The following AMER2 variants were observed in gnomAD, a reference collection of about 807,000 sequenced individuals.
The protein encoded by AMER2 is family with sequence similarity 123A.
In AMER2, 1 loss-of-function variant was observed where a neutral mutation model predicts 4.7. The ratio of observed to expected loss-of-function variants is 0.21; its 90% CI spans 0.07 to 1.00. The LOEUF (loss-of-function observed/expected upper bound fraction) is 1.00. Among genes scored for constraint, AMER2 ranks in the 50% least tolerant of loss-of-function variants. The pLI is 0.60. For synonymous variants in AMER2, 485 were observed against 433.3 expected (o/e 1.12, Z -1.48); for missense variants, 988 against 966.9 (o/e 1.02, Z -0.29).
chr13:25,163,443 G>C lies in AMER2; in HGVS notation c.*6161C>G, dbSNP rs1956434633. ...AGATGTGGAAATAATCTAAACGTCT[G>C]TCAGTAGATGAAAGGGTTTTTAAAA... is the stretch of plus-strand genomic sequence containing the variant. On this transcript the variant is annotated 3_prime_UTR_variant, in exon 1 of 1. Transcript: ENST00000515384. 6.6e-6 allele frequency: 1 copy of C among 152,148 alleles called. No individual in the cohort carries two copies. Among genetic ancestry groups the C allele is most frequent in the African/African-American group, 2.4e-5 (1 of 41,418 alleles). 9.4% of individuals were successfully genotyped at this position (152,148 alleles called of 1,614,324 possible).
rs1227766663 is a variant in AMER2, at chr13:25,167,877, T to C, written c.*1727A>G. 6.6e-6 allele frequency: 1 copy of C among 152,214 alleles called. No homozygotes were observed. Among genetic ancestry groups the C allele is most frequent in the African/African-American group, 2.4e-5 (1 of 41,462 alleles). 9.4% of individuals were successfully genotyped at this position (152,214 alleles called of 1,614,324 possible). A position where few individuals can be genotyped will look rare whatever the true frequency, so the allele number is the denominator to read the frequency against. ...TTAACTTGCCTTGTTCTTTCATTTA[T>C]GAAACAGAAAACAAACTTAAAAAGC... On this transcript the variant is annotated 3_prime_UTR_variant, in exon 1 of 1. Transcript: ENST00000515384.
rs748065990 is a variant in AMER2, at chr13:25,171,172, C to T, written c.448G>A (p.Gly150Ser). ...GPPRAAGPGG[G>S]SLASSSVAKS... ...GCCACCGAGCTGCTGGCGAGGGAGC[C>T]CCCGCCGGGCCCTGCGGCTCTGGGG... Residue 150 changes from glycine (G) to serine (S), a missense_variant, in exon 1 of 1, where the codon GGC becomes AGC. Gly to Ser is a moderately conservative substitution (Grantham distance 56). Transcript: ENST00000515384. The surrounding 1 kb of genome is among the most constrained non-coding windows in gnomAD (Gnocchi z 5.9). The T allele has an allele frequency of 3.1e-5, 47 of 1,526,192 alleles. No individual in the cohort carries two copies. The highest frequency in any genetic ancestry group is 4.0e-5 in the Non-Finnish European group (46 of 1,136,986). The allele number at this position is 1,526,192 out of a possible 1,614,324, so 94.5% of individuals were successfully genotyped here.
rs1188458163 is a variant in AMER2 at position 25,164,093 on chromosome 13, A to G, written c.*5511T>C. On this transcript the variant is annotated 3_prime_UTR_variant, in exon 1 of 1. Coordinates refer to ENST00000515384, the MANE Select transcript of AMER2 (RefSeq NM_152704.4). Reference sequence around the variant, plus strand: ...GCACTCCAGCCTGGGTGACAGAGTAAGACTCCATCTCAAAAAAAAAAAAAA... The same window carrying G: ...GCACTCCAGCCTGGGTGACAGAGTAGGACTCCATCTCAAAAAAAAAAAAAA... The G allele has an allele frequency of 6.7e-6, 1 of 148,212 alleles. No individual in the cohort carries two copies. Among genetic ancestry groups the G allele is most frequent in the African/African-American group, 2.5e-5 (1 of 39,546 alleles). The allele number at this position is 148,212 out of a possible 1,614,324, so 9.2% of individuals were successfully genotyped here.
chr13:25,169,730 G>A lies in AMER2; in HGVS notation c.1890C>T (p.Ser630=). 6.2e-7 allele frequency: 1 copy of A among 1,614,194 alleles called. No homozygotes were observed. Among genetic ancestry groups the A allele is most frequent in the Non-Finnish European group, 8.5e-7 (1 of 1,180,036 alleles). Residue 630 remains serine, a synonymous_variant, in exon 1 of 1, where the codon TCC becomes TCT. Coordinates refer to ENST00000515384, the MANE Select transcript of AMER2 (RefSeq NM_152704.4). This position sits in a 1 kb window ranked among gnomAD's most constrained non-coding sequence, Gnocchi z 4.2. ...SSHPVVHQQP[S]RSEMPRTKIP... Reference sequence around the variant, plus strand: ...TTTTTGTTCTGGGCATCTCACTCCTGGAGGGTTGCTGGTGCACCACGGGAT... The same window carrying A: ...TTTTTGTTCTGGGCATCTCACTCCTAGAGGGTTGCTGGTGCACCACGGGAT...
chr13:25,171,329 C>A lies in AMER2; in HGVS notation c.291G>T (p.Pro97=). ...GGGTCCTGCTCCTCACCAGCCCCGTCGGACCCGAGCTTTTCCCGTCCCCTT... is the reference window on the plus strand; with the variant it reads ...GGGTCCTGCTCCTCACCAGCCCCGTAGGACCCGAGCTTTTCCCGTCCCCTT... The part of the protein sequence containing the change: ...KNKGDGKSSG[P]TGLVRSRTHD... The change falls in exon 1 of 1, where the codon CCG becomes CCT. Residue 97 remains proline, a synonymous_variant. Coordinates refer to ENST00000515384, the MANE Select transcript of AMER2 (RefSeq NM_152704.4). This position sits in a 1 kb window ranked among gnomAD's most constrained non-coding sequence, Gnocchi z 5.9. 6.2e-7 allele frequency: 1 copy of A among 1,609,024 alleles called. No individual in the cohort carries two copies. The highest frequency in any genetic ancestry group is 8.5e-7 in the Non-Finnish European group (1 of 1,178,476).
In AMER2 at chr13:25,169,732, A is replaced by G. The variant is rs758245745; in HGVS notation, c.1888T>C (p.Ser630Pro). ...TTTGTTCTGGGCATCTCACTCCTGGAGGGTTGCTGGTGCACCACGGGATGG... is the reference window on the plus strand; with the variant it reads ...TTTGTTCTGGGCATCTCACTCCTGGGGGGTTGCTGGTGCACCACGGGATGG... The part of the protein sequence containing the change: ...SSHPVVHQQP[S>P]RSEMPRTKIP... Residue 630 changes from serine to proline, a missense_variant, in exon 1 of 1, where the codon TCC becomes CCC. Physicochemically the swap from Ser to Pro is moderately conservative, Grantham distance 74 (BLOSUM62 -1). Coordinates refer to ENST00000515384, the MANE Select transcript of AMER2 (RefSeq NM_152704.4). The surrounding 1 kb of genome is among the most constrained non-coding windows in gnomAD (Gnocchi z 4.2). 3 of 1,613,996 alleles carry G rather than the reference A, an allele frequency of 1.9e-6. No homozygotes were observed. Among genetic ancestry groups the G allele is most frequent in the Non-Finnish European group, 2.5e-6 (3 of 1,180,036 alleles).
In AMER2 at chr13:25,169,641, C is replaced by T. The variant is rs776170504; in HGVS notation, c.1979G>A (p.Arg660Lys). ...SNRGLAGTTI[R>K]ATACHDSAKK... The stretch of plus-strand genomic sequence containing the variant: ...GGCACTGTCGTGGCAGGCCGTTGCT[C>T]TGATGGTGGTCCCAGCCAAGCCCCG... The change falls in exon 1 of 1, where the codon AGA becomes AAA. Residue 660 changes from arginine (R) to lysine (K), a missense_variant. Transcript: ENST00000515384. The surrounding 1 kb of genome is among the most constrained non-coding windows in gnomAD (Gnocchi z 4.2). The T allele has an allele frequency of 4.4e-6, 7 of 1,608,528 alleles. No homozygotes were observed. In the African/African-American group the frequency reaches 9.3e-5, roughly 21 times the overall value.
chr13:25,169,464 G>T lies in AMER2; in HGVS notation c.*140C>A. On this transcript the variant is annotated 3_prime_UTR_variant, in exon 1 of 1. Coordinates refer to ENST00000515384, the MANE Select transcript of AMER2 (RefSeq NM_152704.4). This position sits in a 1 kb window ranked among gnomAD's most constrained non-coding sequence, Gnocchi z 4.2. The stretch of plus-strand genomic sequence containing the variant: ...CTGCTCAGGGCACAAAGACCTCCTC[G>T]GTCCACGCTCTGGAGCAGGGCGGGG... 2 of 1,167,252 alleles carry T rather than the reference G, an allele frequency of 1.7e-6. No individual in the cohort carries two copies. The highest frequency in any genetic ancestry group is 2.3e-6 in the Non-Finnish European group (2 of 862,696). The allele number at this position is 1,167,252 out of a possible 1,614,324, so 72.3% of individuals were successfully genotyped here.
Position 25,170,946 on chromosome 13 carries a change from A to G in AMER2, c.674T>C (p.Ile225Thr). Reference sequence around the variant, plus strand: ...GCTGGCGGTGAGCGAGCCGGGTAGGATCAAGCCGCCCCCGGGCGCGCGCCC... The same window carrying G: ...GCTGGCGGTGAGCGAGCCGGGTAGGGTCAAGCCGCCCCCGGGCGCGCGCCC... ...AEGRAPGGGL[I>T]LPGSLTASLE... The change falls in exon 1 of 1, where the codon ATC becomes ACC. Residue 225 changes from isoleucine to threonine, a missense_variant. Ile to Thr is a moderately conservative substitution (Grantham distance 89, BLOSUM62 -1). Coordinates refer to ENST00000515384, the MANE Select transcript of AMER2 (RefSeq NM_152704.4). This position sits in a 1 kb window ranked among gnomAD's most constrained non-coding sequence, Gnocchi z 7.3. The G allele has an allele frequency of 6.5e-7, 1 of 1,528,318 alleles. No homozygotes were observed. The highest frequency in any genetic ancestry group is 1.4e-5 in the African/African-American group (1 of 69,932). 94.7% of individuals were successfully genotyped at this position (1,528,318 alleles called of 1,614,324 possible). A position where few individuals can be genotyped will look rare whatever the true frequency, so the allele number is the denominator to read the frequency against.
At position 25,168,510 on chromosome 13, in the gene AMER2, C is replaced by A. The variant is rs1270841624; in HGVS notation, c.*1094G>T. 1 of 150,520 alleles carries A rather than the reference C, an allele frequency of 6.6e-6. No individual in the cohort carries two copies. Among genetic ancestry groups the A allele is most frequent in the South Asian group, 2.1e-4 (1 of 4,666 alleles). 9.3% of individuals were successfully genotyped at this position (150,520 alleles called of 1,614,324 possible). A position where few individuals can be genotyped will look rare whatever the true frequency, so the allele number is the denominator to read the frequency against. On this transcript the variant is annotated 3_prime_UTR_variant, in exon 1 of 1. Transcript: ENST00000515384. ...AGGCAGAGCCATTCCTCTGGGACAC[C>A]AGCACAATAGATTTTTTTTTTTTTT...
rs866334746 is a variant in AMER2 at position 25,170,945 on chromosome 13, G to A, written c.675C>T (p.Ile225=). 6 of 1,528,976 alleles carry A rather than the reference G, an allele frequency of 3.9e-6. No homozygotes were observed. In the African/African-American group the frequency reaches 8.6e-5, roughly 22 times the overall value. The allele number at this position is 1,528,976 out of a possible 1,614,324, so 94.7% of individuals were successfully genotyped here. ...AEGRAPGGGL[I]LPGSLTASLE... ...GGCTGGCGGTGAGCGAGCCGGGTAG[G>A]ATCAAGCCGCCCCCGGGCGCGCGCC... The change falls in exon 1 of 1, where the codon ATC becomes ATT. Residue 225 remains isoleucine, a synonymous_variant. Transcript: ENST00000515384. This position sits in a 1 kb window ranked among gnomAD's most constrained non-coding sequence, Gnocchi z 7.3.
chr13:25,170,320 T>C lies in AMER2; in HGVS notation c.1300A>G (p.Thr434Ala), dbSNP rs143843484. ...ATGTCCCAGAACTCCTGTAGATAGG[T>C]GTCGTCCACCTCGTCCGGGCTGGCC... ...EMASPDEVDD[T>A]YLQEFWDMLS... Residue 434 changes from threonine to alanine, a missense_variant, in exon 1 of 1, where the codon ACC becomes GCC. Transcript: ENST00000515384. The surrounding 1 kb of genome is among the most constrained non-coding windows in gnomAD (Gnocchi z 7.3). 5 of 1,613,942 alleles carry C rather than the reference T, an allele frequency of 3.1e-6. No homozygotes were observed. The highest frequency in any genetic ancestry group is 4.2e-6 in the Non-Finnish European group (5 of 1,179,982).
rs1956416486 is a variant in AMER2 at position 25,162,207 on chromosome 13, T to C, written c.*7397A>G. On this transcript the variant is annotated 3_prime_UTR_variant, in exon 1 of 1. Transcript: ENST00000515384. ...AGGAAAGCTAATTATGGAAATGGAG[T>C]TTCTCGTTTGGGTTATTTTTGTTAC... 6.6e-6 allele frequency: 1 copy of C among 152,038 alleles called. No individual in the cohort carries two copies. The highest frequency in any genetic ancestry group is 6.6e-5 in the Admixed American group (1 of 15,252). 9.4% of individuals were successfully genotyped at this position (152,038 alleles called of 1,614,324 possible).
rs916235135 is a variant in AMER2, at chr13:25,162,429, A to G, written c.*7175T>C. 1.3e-5 allele frequency: 2 copies of G among 152,192 alleles called. No homozygotes were observed. The highest frequency in any genetic ancestry group is 4.8e-5 in the African/African-American group (2 of 41,446). 9.4% of individuals were successfully genotyped at this position (152,192 alleles called of 1,614,324 possible). A position where few individuals can be genotyped will look rare whatever the true frequency, so the allele number is the denominator to read the frequency against. On this transcript the variant is annotated 3_prime_UTR_variant, in exon 1 of 1. Coordinates refer to ENST00000515384, the MANE Select transcript of AMER2 (RefSeq NM_152704.4). ...GACCTACCACTATCAGATCCTCCAT[A>G]TTCAATAAGATTTATCCTGGAAGCA...
chr13:25,169,767 A>T lies in AMER2; in HGVS notation c.1853T>A (p.Leu618His), dbSNP rs1195768455. Residue 618 changes from leucine (L) to histidine (H), a missense_variant, in exon 1 of 1, where the codon CTT (leucine) becomes CAT (histidine). By Grantham distance (99) the Leu-to-His change is moderately conservative. Coordinates refer to ENST00000515384, the MANE Select transcript of AMER2 (RefSeq NM_152704.4). This position sits in a 1 kb window ranked among gnomAD's most constrained non-coding sequence, Gnocchi z 4.2. ...IPISIKHLTNLPSSHPVVHQQ... is the reference protein window; with the variant it reads ...IPISIKHLTNHPSSHPVVHQQ... ...GTGCACCACGGGATGGCTAGATGGA[A>T]GGTTGGTCAGGTGCTTGATGCTAAT... 6.2e-7 allele frequency: 1 copy of T among 1,614,112 alleles called. No homozygotes were observed.
chr13:25,170,817 T>A lies in AMER2; in HGVS notation c.803A>T (p.Glu268Val), dbSNP rs1956554576. ...GGCGCGGTCGGCGGGGGCGGGCACC[T>A]CCTCTCCCCCTGCGGGCTCACCTGC... ...DPAGEPAGGE[E>V]VPAPADRAPA... The change falls in exon 1 of 1, where the codon GAG becomes GTG. Residue 268 changes from glutamate to valine, a missense_variant. Coordinates refer to ENST00000515384, the MANE Select transcript of AMER2 (RefSeq NM_152704.4). The surrounding 1 kb of genome is among the most constrained non-coding windows in gnomAD (Gnocchi z 7.3). The A allele has an allele frequency of 3.6e-6, 5 of 1,401,296 alleles. No individual in the cohort carries two copies. Among genetic ancestry groups the A allele is most frequent in the Non-Finnish European group, 4.6e-6 (5 of 1,087,482 alleles). The allele number at this position is 1,401,296 out of a possible 1,614,324, so 86.8% of individuals were successfully genotyped here. A position where few individuals can be genotyped will look rare whatever the true frequency, so the allele number is the denominator to read the frequency against.
chr13:25,169,935 G>A lies in AMER2; in HGVS notation c.1685C>T (p.Pro562Leu), dbSNP rs201439289. ...AGGAAGGGTTGCTGGACTTCCGTCC[G>A]GGTCAGCATAGAGATCATAGAGCGC... is the stretch of plus-strand genomic sequence containing the variant. Reference protein sequence around the residue: ...GDALYDLYADPDGSPATLPGG... With the variant: ...GDALYDLYADLDGSPATLPGG... The change falls in exon 1 of 1, where the codon CCG becomes CTG. Residue 562 changes from proline to leucine, a missense_variant. Coordinates refer to ENST00000515384, the MANE Select transcript of AMER2 (RefSeq NM_152704.4). This position sits in a 1 kb window ranked among gnomAD's most constrained non-coding sequence, Gnocchi z 4.2. 3.7e-6 allele frequency: 6 copies of A among 1,614,150 alleles called. No homozygotes were observed. The East Asian group carries it at 6.7e-5, about 18-fold the overall frequency.
rs1268988362 is a variant in AMER2, at chr13:25,170,615, G to T, written c.1005C>A (p.Ser335=). The change falls in exon 1 of 1, where the codon TCC becomes TCA. Residue 335 remains serine (S), a synonymous_variant. Transcript: ENST00000515384. The surrounding 1 kb of genome is among the most constrained non-coding windows in gnomAD (Gnocchi z 7.3). ...VPVKTVPLVD[S]EGGSGRAPAA... ...CGGGCGCCCGGCCGCTGCCGCCTTC[G>T]GAGTCGACAAGGGGGACCGTCTTTA... 5.1e-6 allele frequency: 8 copies of T among 1,572,542 alleles called. No homozygotes were observed. The highest frequency in any genetic ancestry group is 3.4e-4 in the Middle Eastern group (2 of 5,944).
rs1327428950 is a variant in AMER2, at chr13:25,162,320, TGCTAGGTA to T, written c.*7276_*7283del. On this transcript the variant is annotated 3_prime_UTR_variant, in exon 1 of 1. Transcript: ENST00000515384. ...CGAAACCTGAAGTTCACAATGAGCC[TGCTAGGTA>T]GCTGGTGTCAAGTACAAATGATAGG... 6.6e-6 allele frequency: 1 copy of T among 152,166 alleles called. No individual in the cohort carries two copies. Among genetic ancestry groups the T allele is most frequent in the East Asian group, 1.9e-4 (1 of 5,190 alleles). 9.4% of individuals were successfully genotyped at this position (152,166 alleles called of 1,614,324 possible). A position where few individuals can be genotyped will look rare whatever the true frequency, so the allele number is the denominator to read the frequency against.
Sources: allele counts gnomAD v4.1 joint callset, GRCh38; gene constraint gnomAD v4.1.1; non-coding constraint Gnocchi (gnomAD v3.1); transcripts MANE v1.5; gene names NCBI Gene and HGNC (gene_info 2026-07-23, HGNC 2026-07-21).